Variants in SPTLC3 observed in about 807,000 individuals in gnomAD.
The protein encoded by SPTLC3 is serine palmitoyltransferase 3.
SPTLC3 carries 36 observed loss-of-function variants against 59.3 expected under a neutral mutation model. The ratio of observed to expected loss-of-function variants is 0.61; its 90% CI spans 0.47 to 0.80. The LOEUF is 0.80. Among genes scored for constraint, SPTLC3 ranks in the 30% least tolerant of loss-of-function variants. The pLI, the probability that SPTLC3 is intolerant of heterozygous loss-of-function variation, is 0.00. For synonymous variants in SPTLC3, 257 were observed against 240.8 expected (o/e 1.07, Z -0.62); for missense variants, 625 against 685.1 (o/e 0.91, Z 0.98).
intron 4 of SPTLC3, among the ~76,000 whole-genome samples, chr20:13,080,117 A>G (rs1204310270): frequency 6.6e-6 from 1 of 152,208 alleles, no homozygotes; most frequent in African/African-American, 2.4e-5. Flanking sequence ...ATATATGACA[A>G]CATGTTAATA....
At chr20:13,140,490 T>A (rs138512577) in intron 9 of SPTLC3, among the ~76,000 whole-genome samples, 142 of 152,318 alleles carry the variant, frequency 9.3e-4, no homozygotes, top group African/African-American at 3.0e-3. Flanking sequence ...AACTAGAGAC[T>A]TCCTATCAGG....
intron 2 of SPTLC3, among the ~76,000 whole-genome samples, chr20:13,065,628 A>G (rs1041697124): frequency 2.0e-5 from 3 of 152,070 alleles, no homozygotes; most frequent in African/African-American, 7.2e-5. Context: ...TAATACTGTA[A>G]TTACATATTT....
At position 13,117,588 on chromosome 20, in the gene SPTLC3, C is replaced by G; in HGVS notation, c.1015C>G (p.His339Asp). Residue 339 changes from histidine (H) to aspartate (D), a missense_variant, in exon 8 of 12, where the codon CAC becomes GAC. By Grantham distance (81) the His-to-Asp change is moderately conservative (BLOSUM62 -1). Transcript: ENST00000399002. ...GGCTTACCTCTACATAGATGAAGCT[C>G]ACAGTATTGGGGCCGTGGGCCCAAC... ...YKAYLYIDEA[H>D]SIGAVGPTGR... is the part of the protein sequence containing the mutation. The G allele has an allele frequency of 6.2e-7, 1 of 1,613,822 alleles. No individual in the cohort carries two copies. The highest frequency in any genetic ancestry group is 2.2e-5 in the East Asian group (1 of 44,872).
chr20:13,158,471 C>T (rs188024532), intron 10 of SPTLC3, among the ~76,000 whole-genome samples: 73 of 152,202 alleles, frequency 4.8e-4, no homozygotes, highest in African/African-American at 1.7e-3. Flanking sequence ...ACAGTGAAAG[C>T]GGTCTTCTGG....
intron 10 of SPTLC3, among the ~76,000 whole-genome samples, chr20:13,159,215 G>A (rs766175921): frequency 5.9e-5 from 9 of 152,188 alleles, no homozygotes; most frequent in Admixed American, 3.3e-4. Context: ...GCTTATGAAG[G>A]TTTTACTCTG....
chr20:13,066,914 G>GA (rs1229153381), intron 2 of SPTLC3, among the ~76,000 whole-genome samples: 1 of 119,364 alleles, frequency 8.4e-6, no homozygotes, highest in African/African-American at 2.9e-5. Flanking sequence ...ACTGTCTTAT[G>GA]AAAAAAAATC....
At chr20:13,156,240 A>G (rs1391018826) in intron 10 of SPTLC3, among the ~76,000 whole-genome samples, 2 of 152,236 alleles carry the variant, frequency 1.3e-5, no homozygotes, top group Non-Finnish European at 2.9e-5. Context: ...CTGGAGTGTT[A>G]CAATGACAGT....
At chr20:13,053,734 G>C (rs182416141) in intron 2 of SPTLC3, among the ~76,000 whole-genome samples, 167 of 152,078 alleles carry the variant, frequency 1.1e-3, no homozygotes, top group Non-Finnish European at 2.0e-3. Context: ...CAAAAACTTC[G>C]TGAAGCATAC....
chr20:13,017,899 G>T (rs1005888254), intron 1 of SPTLC3, among the ~76,000 whole-genome samples: 4 of 152,114 alleles, frequency 2.6e-5, no homozygotes, highest in Non-Finnish European at 5.9e-5. Flanking sequence ...AAGAAGACTC[G>T]CAGCTTGAAC....
chr20:13,098,721 T>C (rs1989505036), intron 6 of SPTLC3, among the ~76,000 whole-genome samples: 2 of 152,204 alleles, frequency 1.3e-5, no homozygotes, highest in African/African-American at 4.8e-5. Context: ...CTGTGCCAGA[T>C]GCTGAGGTAA....
intron 1 of SPTLC3, among the ~76,000 whole-genome samples, chr20:13,034,179 T>C (rs1322440934): frequency 1.4e-5 from 2 of 144,288 alleles, no homozygotes; most frequent in Non-Finnish European, 3.0e-5. Context: ...CATAGGTAGA[T>C]GTCATGAAAG....
chr20:13,120,467 A>G (rs918553786), intron 8 of SPTLC3, among the ~76,000 whole-genome samples: 4 of 152,208 alleles, frequency 2.6e-5, no homozygotes, highest in Non-Finnish European at 4.4e-5. Flanking sequence ...AAATTTGAAA[A>G]TAATCAGTTA....
intron 9 of SPTLC3, among the ~76,000 whole-genome samples, chr20:13,136,356 C>T (rs535987407): frequency 1.6e-4 from 24 of 152,042 alleles, no homozygotes; most frequent in East Asian, 5.8e-4. Context: ...CAGCACTTTG[C>T]GAGGCCAAGG....
intron 10 of SPTLC3, among the ~76,000 whole-genome samples, chr20:13,157,102 C>T (rs2038787608): frequency 6.6e-6 from 1 of 151,876 alleles, no homozygotes; most frequent in East Asian, 1.9e-4. Flanking sequence ...GGATGTTTAG[C>T]CCTAGTTTAT....
rs754409153 is a variant in SPTLC3 at position 13,091,081 on chromosome 20, A to G, written c.608-2A>G. The G allele has an allele frequency of 1.2e-6, 2 of 1,613,536 alleles. No homozygotes were observed. Among genetic ancestry groups the G allele is most frequent in the East Asian group, 4.5e-5 (2 of 44,864 alleles). ...TCACTTCTCATGTAATTTTATGTGCAGGCACCTTGGATAAGCACAAGGAGT... is the reference window on the plus strand; with the variant it reads ...TCACTTCTCATGTAATTTTATGTGCGGGCACCTTGGATAAGCACAAGGAGT... On this transcript the variant is annotated splice_acceptor_variant, in intron 4 of 11. Transcript: ENST00000399002. LOFTEE classifies it high-confidence loss of function.
intron 1 of SPTLC3, among the ~76,000 whole-genome samples, chr20:13,010,965 C>A (rs956203007): frequency 1.3e-5 from 2 of 152,136 alleles, no homozygotes; most frequent in African/African-American, 4.8e-5. Context: ...TGTAAATATC[C>A]TTGGACACTG....
intron 6 of SPTLC3, among the ~76,000 whole-genome samples, chr20:13,109,800 G>A (rs180862268): frequency 6.6e-6 from 1 of 152,180 alleles, no homozygotes; most frequent in African/African-American, 2.4e-5. Flanking sequence ...TTAGACCTAA[G>A]AGATGCATTT....
At chr20:13,099,298 G>C (rs532868761) in intron 6 of SPTLC3, among the ~76,000 whole-genome samples, 2 of 152,138 alleles carry the variant, frequency 1.3e-5, no homozygotes, top group African/African-American at 4.8e-5. Flanking sequence ...CCTAGAAGCC[G>C]GAAAAACCAA....
chr20:13,037,284 A>T (rs73898287), intron 1 of SPTLC3, among the ~76,000 whole-genome samples: 1 of 152,172 alleles, frequency 6.6e-6, no homozygotes, highest in African/African-American at 2.4e-5. Context: ...TACTATGGCT[A>T]TCTTGGACTA....
Sources: allele counts gnomAD v4.1 joint callset (sites outside exome capture counted in the v4.1 genomes callset), GRCh38; gene constraint gnomAD v4.1.1; transcripts MANE v1.5; gene names NCBI Gene and HGNC (gene_info 2026-07-23, HGNC 2026-07-21).